The following TENM4 variants were observed in gnomAD, a reference collection of about 807,000 sequenced individuals.
The protein encoded by TENM4 is teneurin transmembrane protein 4, also known as teneurin-4.
Under a neutral mutation model 243.3 loss-of-function variants are expected in TENM4, and 82 were observed. The ratio of observed to expected loss-of-function variants is 0.34; its 90% CI spans 0.28 to 0.40. The LOEUF is 0.40. Among genes scored for constraint, TENM4 ranks in the 10% least tolerant of loss-of-function variants. The pLI, the probability that TENM4 is intolerant of heterozygous loss-of-function variation, is 1.00. For missense variants in TENM4, 3,138 were observed against 3,673.3 expected (o/e 0.85, Z 3.77); for synonymous variants, 1,412 against 1,456.3 (o/e 0.97, Z 0.69).
At chr11:79,143,085 A>G (rs933328883) in intron 4 of TENM4, among the ~76,000 whole-genome samples, 3 of 152,150 alleles carry the variant, frequency 2.0e-5, no homozygotes, top group Non-Finnish European at 2.9e-5. Context: ...GTGGGAGTGT[A>G]AACTAGTTCA....
chr11:79,192,682 C>A (rs1293541673), intron 3 of TENM4, among the ~76,000 whole-genome samples: 1 of 151,970 alleles, frequency 6.6e-6, no homozygotes, highest in Non-Finnish European at 1.5e-5. Flanking sequence ...CTGACCTTCC[C>A]TCCACTAGTG....
chr11:79,330,272 G>A (rs1857040952), intron 1 of TENM4, among the ~76,000 whole-genome samples: 1 of 152,198 alleles, frequency 6.6e-6, no homozygotes, highest in African/African-American at 2.4e-5. Context: ...CTAATGGACT[G>A]GCCATGGGAG....
intron 4 of TENM4, among the ~76,000 whole-genome samples, chr11:79,134,934 G>T (rs938868616): frequency 6.6e-6 from 1 of 152,104 alleles, no homozygotes; most frequent in Non-Finnish European, 1.5e-5. Flanking sequence ...ATTGGCTTAG[G>T]CAAGGATTTC....
At chr11:79,293,524 A>G (rs1856391621) in intron 2 of TENM4, among the ~76,000 whole-genome samples, 1 of 151,420 alleles carries the variant, frequency 6.6e-6, no homozygotes, top group Admixed American at 6.6e-5. Context: ...AAAAAAAGAA[A>G]AAAAAAAAGA....
intron 28 of TENM4, among the ~76,000 whole-genome samples, chr11:78,689,462 T>A (rs1406746040): frequency 6.7e-6 from 1 of 149,730 alleles, no homozygotes; most frequent in Non-Finnish European, 1.5e-5. Flanking sequence ...GTACTTCAGG[T>A]CTCCCTACTG....
intron 2 of TENM4, among the ~76,000 whole-genome samples, chr11:79,268,203 C>T (rs538561970): frequency 6.6e-6 from 1 of 152,258 alleles, no homozygotes; most frequent in African/African-American, 2.4e-5. Context: ...CCCTAAAGGG[C>T]TGGGCTGTAA....
intron 6 of TENM4, among the ~76,000 whole-genome samples, chr11:79,015,861 G>C (rs895048853): frequency 2.6e-5 from 4 of 152,190 alleles, no homozygotes; most frequent in African/African-American, 9.7e-5. Context: ...CCTTGAGAGA[G>C]GATACCAAGG....
chr11:79,029,798 G>A (rs1437630017), intron 6 of TENM4, among the ~76,000 whole-genome samples: 1 of 152,172 alleles, frequency 6.6e-6, no homozygotes, highest in African/African-American at 2.4e-5. Context: ...CTCTATCCAG[G>A]TGGGCTCTTC....
At chr11:79,354,017 G>C (rs138378797) in intron 1 of TENM4, among the ~76,000 whole-genome samples, 1 of 152,322 alleles carries the variant, frequency 6.6e-6, no homozygotes, top group East Asian at 1.9e-4. Context: ...GCAAAACCTA[G>C]ACTCACCGCT....
intron 14 of TENM4, 107 bp from the exon 15 acceptor site, chr11:78,805,599 G>T: frequency 7.6e-7 from 1 of 1,309,072 alleles, no homozygotes; most frequent in Non-Finnish European, 1.1e-6. Context: ...ATACATTCTG[G>T]CAGAAGGATG....
intron 1 of TENM4, chr11:79,402,199 A>G: frequency 4.6e-6 from 1 of 219,140 alleles, no homozygotes; most frequent in Non-Finnish European, 1.1e-5. Context: ...TCAGGAATTT[A>G]GGACCTTATT....
chr11:79,429,524 T>C (rs1174540917), intron 1 of TENM4, among the ~76,000 whole-genome samples: 1 of 151,948 alleles, frequency 6.6e-6, no homozygotes, highest in African/African-American at 2.4e-5. Flanking sequence ...ACAACAACCC[T>C]TGGAGGTAGA....
intron 1 of TENM4, among the ~76,000 whole-genome samples, chr11:79,347,933 C>A (rs556091867): frequency 6.6e-6 from 1 of 151,872 alleles, no homozygotes; most frequent in Admixed American, 6.5e-5. Context: ...GCGCCCGCCA[C>A]CGCGCCCGGC....
chr11:78,937,734 A>G (rs765158797), intron 6 of TENM4, among the ~76,000 whole-genome samples: 3 of 152,192 alleles, frequency 2.0e-5, no homozygotes, highest in Non-Finnish European at 4.4e-5. Context: ...ATCAGGAGAG[A>G]GAGATGATAG....
intron 2 of TENM4, among the ~76,000 whole-genome samples, chr11:79,244,135 T>A (rs958888834): frequency 1.3e-5 from 2 of 151,996 alleles, no homozygotes; most frequent in Non-Finnish European, 2.9e-5. Flanking sequence ...ACCCCCAGAG[T>A]TTGTGACTCA....
chr11:78,724,486 T>C (rs1445957450), intron 23 of TENM4, among the ~76,000 whole-genome samples: 1 of 152,236 alleles, frequency 6.6e-6, no homozygotes, highest in Non-Finnish European at 1.5e-5. Context: ...TAGTGTGAAG[T>C]GAGGACTTAA....
At chr11:79,127,526 T>C (rs10899595) in intron 4 of TENM4, among the ~76,000 whole-genome samples, 30,059 of 151,938 alleles carry the variant, frequency 0.2, 3,165 homozygotes, top group East Asian at 0.35. Context: ...TTTCCATTCC[T>C]GTCCATAAGC....
At chr11:79,241,780 C>T (rs78566352) in intron 2 of TENM4, among the ~76,000 whole-genome samples, 2,750 of 152,154 alleles carry the variant, frequency 0.018, 47 homozygotes, top group East Asian at 0.028. Context: ...GGAGTGAATG[C>T]TCAGCCACCA....
chr11:79,269,676 C>G (rs983136505), intron 2 of TENM4: 12 of 152,272 alleles, frequency 7.9e-5, no homozygotes, highest in African/African-American at 2.7e-4. Context: ...AAAGCAGTGC[C>G]CCTGGCTCCT....
Sources: allele counts gnomAD v4.1 joint callset (sites outside exome capture counted in the v4.1 genomes callset), GRCh38; gene constraint gnomAD v4.1.1; transcripts MANE v1.5; gene names NCBI Gene and HGNC (gene_info 2026-07-23, HGNC 2026-07-21).